CDH12: variants seen among roughly 807,000 people sequenced by gnomAD.
CDH12 encodes cadherin 12.
In CDH12, 41 loss-of-function variants were observed where a neutral mutation model predicts 74.1. That is an observed-to-expected ratio of 0.55 (90% confidence interval 0.43 to 0.72). CDH12 has a LOEUF of 0.72. CDH12 is among the 30% of genes least tolerant of loss of function. The probability of loss-of-function intolerance (pLI) is 0.00; values close to 1 mark genes in which losing one functional copy is unlikely to be tolerated. For synonymous variants in CDH12, 399 were observed against 355.0 expected (o/e 1.12, Z -1.39); for missense variants, 945 against 977.2 (o/e 0.97, Z 0.44).
intron 1 of CDH12, among the ~76,000 whole-genome samples, chr5:22,653,899 A>C (rs1739871103): frequency 6.6e-6 from 1 of 152,122 alleles, no homozygotes; most frequent in South Asian, 2.1e-4. Flanking sequence ...TCCCTACCCT[A>C]GTGTCATCAT....
chr5:22,815,936 T>A (rs1035058212), intron 1 of CDH12, among the ~76,000 whole-genome samples: 31 of 151,828 alleles, frequency 2.0e-4, no homozygotes, highest in African/African-American at 7.5e-4. Flanking sequence ...ATGTTCTAGG[T>A]TTGAAAAAAA....
intron 3 of CDH12, among the ~76,000 whole-genome samples, chr5:22,356,271 A>C (rs1240180264): frequency 6.6e-6 from 1 of 152,166 alleles, no homozygotes. Flanking sequence ...AGTTTTAAAA[A>C]CTTTATTTAT....
At chr5:22,446,924 G>T (rs1744839235) in intron 2 of CDH12, among the ~76,000 whole-genome samples, 1 of 152,036 alleles carries the variant, frequency 6.6e-6, no homozygotes, top group East Asian at 1.9e-4. Flanking sequence ...TCTATTTGTT[G>T]CAGCTACTCC....
chr5:21,880,504 TCCCTCCCTCCC>T (rs1752199959), intron 6 of CDH12, among the ~76,000 whole-genome samples: 2 of 7,476 alleles, frequency 2.7e-4, no homozygotes, highest in Middle Eastern at 0.25. Context: ...CCTTCCTTCC[TCCCTCCCTCCC>T]TCTTTTCTTT....
At chr5:22,418,177 T>C (rs936471103) in intron 2 of CDH12, among the ~76,000 whole-genome samples, 1 of 152,154 alleles carries the variant, frequency 6.6e-6, no homozygotes, top group African/African-American at 2.4e-5. Flanking sequence ...TTGTAAGTTA[T>C]ATTCCTAGGT....
intron 1 of CDH12, among the ~76,000 whole-genome samples, chr5:22,643,586 T>G (rs1355437319): frequency 6.6e-6 from 1 of 152,190 alleles, no homozygotes; most frequent in African/African-American, 2.4e-5. Context: ...GGTGATGTTG[T>G]AAACAAACAA....
chr5:21,751,380 C>T lies in CDH12; in HGVS notation c.*357G>A. The T allele has an allele frequency of 4.6e-6, 1 of 219,292 alleles. No individual in the cohort carries two copies. The highest frequency in any genetic ancestry group is 9.2e-6 in the Non-Finnish European group (1 of 108,374). 13.6% of individuals were successfully genotyped at this position (219,292 alleles called of 1,614,324 possible). A position where few individuals can be genotyped will look rare whatever the true frequency, so the allele number is the denominator to read the frequency against. ...GTGGAATTAAGAAAAATCTAACACT[C>T]TTCCACCGTGATGCCACATAGCTAT... On this transcript the variant is annotated 3_prime_UTR_variant, in exon 15 of 15. Coordinates refer to ENST00000382254, the MANE Select transcript of CDH12 (RefSeq NM_004061.5).
intron 2 of CDH12, among the ~76,000 whole-genome samples, chr5:22,495,077 A>G (rs963898307): frequency 6.6e-6 from 1 of 152,196 alleles, no homozygotes; most frequent in South Asian, 2.1e-4. Flanking sequence ...CAGTTATCCT[A>G]TATTTCACCC....
At chr5:22,007,785 C>T in intron 5 of CDH12, among the ~76,000 whole-genome samples, 1 of 152,148 alleles carries the variant, frequency 6.6e-6, no homozygotes, top group Non-Finnish European at 1.5e-5. Flanking sequence ...TACAAAATCA[C>T]ACAGTAGCTA....
chr5:22,755,251 C>G (rs1199928006), intron 1 of CDH12, among the ~76,000 whole-genome samples: 1 of 152,082 alleles, frequency 6.6e-6, no homozygotes, highest in Non-Finnish European at 1.5e-5. Flanking sequence ...CATAAAGATA[C>G]TTATTCATCT....
At chr5:22,713,831 A>G (rs371741616) in intron 1 of CDH12, among the ~76,000 whole-genome samples, 55 of 152,254 alleles carry the variant, frequency 3.6e-4, no homozygotes, top group African/African-American at 9.4e-4. Context: ...TTAAAACTCA[A>G]ACTTTCAAAA....
At chr5:21,776,993 T>C (rs115366339) in intron 11 of CDH12, among the ~76,000 whole-genome samples, 293 of 152,346 alleles carry the variant, frequency 1.9e-3, no homozygotes, top group African/African-American at 6.9e-3. Context: ...TATTAGATAT[T>C]ACATATCATT....
At chr5:21,796,652 A>T (rs1430778034) in intron 10 of CDH12, among the ~76,000 whole-genome samples, 1 of 151,942 alleles carries the variant, frequency 6.6e-6, no homozygotes, top group African/African-American at 2.4e-5. Flanking sequence ...TATTTTTTTA[A>T]TTTAATAAAA....
intron 6 of CDH12, among the ~76,000 whole-genome samples, chr5:21,857,308 T>C: frequency 6.6e-6 from 1 of 151,850 alleles, no homozygotes; most frequent in East Asian, 1.9e-4. Context: ...TGAAATTTAT[T>C]CTCTTATCAT....
At chr5:22,163,351 A>G (rs963959378) in intron 4 of CDH12, among the ~76,000 whole-genome samples, 1 of 152,112 alleles carries the variant, frequency 6.6e-6, no homozygotes, top group African/African-American at 2.4e-5. Flanking sequence ...ATTCCTGTAT[A>G]TTGCATGTAC....
At chr5:22,820,020 C>CAT (rs1026221191) in intron 1 of CDH12, among the ~76,000 whole-genome samples, 4 of 144,678 alleles carry the variant, frequency 2.8e-5, no homozygotes, top group African/African-American at 1.0e-4. Context: ...CATATATATA[C>CAT]ATATATATAC....
chr5:22,706,994 T>C lies in CDH12; in HGVS notation c.-523+146064A>G, dbSNP rs544610480. On this transcript the variant is annotated intron_variant, in intron 1 of 14. Coordinates refer to ENST00000382254, the MANE Select transcript of CDH12 (RefSeq NM_004061.5). ...TAACTCCCACATCTAAGGATTCAAG[T>C]GCAGACAGTCTTTTCTGCTGCTATC... Among the ~76,000 whole-genome samples, 18 of 152,272 alleles carry C rather than the reference T, an allele frequency of 1.2e-4. No homozygotes were observed. The South Asian group carries it at 3.3e-3, about 28-fold the overall frequency.
At chr5:21,805,882 T>C (rs967431636) in intron 9 of CDH12, among the ~76,000 whole-genome samples, 10 of 152,146 alleles carry the variant, frequency 6.6e-5, no homozygotes, top group African/African-American at 2.4e-4. Flanking sequence ...GAGAACTTTG[T>C]GGCATGGCTT....
chr5:22,011,563 A>G (rs1737296062), intron 5 of CDH12, among the ~76,000 whole-genome samples: 1 of 152,194 alleles, frequency 6.6e-6, no homozygotes, highest in South Asian at 2.1e-4. Flanking sequence ...TAGACAGAAC[A>G]CTTAGAGCCA....
Sources: allele counts gnomAD v4.1 joint callset (sites outside exome capture counted in the v4.1 genomes callset), GRCh38; gene constraint gnomAD v4.1.1; transcripts MANE v1.5; gene names NCBI Gene and HGNC (gene_info 2026-07-23, HGNC 2026-07-21).